NOVA1: variants seen among roughly 807,000 people sequenced by gnomAD.
The protein encoded by NOVA1 is NOVA alternative splicing regulator 1.
NOVA1 carries 7 observed loss-of-function variants against 38.0 expected under a neutral mutation model. The ratio of observed to expected loss-of-function variants is 0.18; its 90% CI spans 0.10 to 0.35. The LOEUF is 0.35. Among genes scored for constraint, NOVA1 ranks in the 10% least tolerant of loss-of-function variants. The pLI is 1.00. For synonymous variants in NOVA1, 270 were observed against 232.5 expected, an observed-to-expected ratio of 1.16 and a Z score of -1.47; for missense variants, 460 against 616.0, an observed-to-expected ratio of 0.75 and a Z score of 2.68.
chr14:26,597,489 CT>C lies in NOVA1; in HGVS notation c.-54del. 1 of 1,086,470 alleles carries C rather than the reference CT, an allele frequency of 9.2e-7. No individual in the cohort carries two copies. The highest frequency in any genetic ancestry group is 4.8e-5 in the South Asian group (1 of 20,816). The allele number at this position is 1,086,470 out of a possible 1,614,324, so 67.3% of individuals were successfully genotyped here. On this transcript the variant is annotated 5_prime_UTR_variant, in exon 1 of 5. Transcript: ENST00000539517. ...GAGAAGGTTCTCCCTTTTGTTTTGGCTTTTTCTTTTCTTTTTTCTTTTTTTT... is the reference window on the plus strand; with the variant it reads ...GAGAAGGTTCTCCCTTTTGTTTTGGCTTTTCTTTTCTTTTTTCTTTTTTTT...
intron 4 of NOVA1, among the ~76,000 whole-genome samples, chr14:26,459,947 T>C (rs1883511776): frequency 6.6e-6 from 1 of 152,042 alleles, no homozygotes; most frequent in African/African-American, 2.4e-5. Context: ...AAAAGTCTGA[T>C]GTGCCATATT....
At chr14:26,539,633 C>T (rs1382162560) in intron 2 of NOVA1, among the ~76,000 whole-genome samples, 1 of 151,864 alleles carries the variant, frequency 6.6e-6, no homozygotes, top group Non-Finnish European at 1.5e-5. Context: ...GGGAAGAAAA[C>T]AGGATTATAT....
chr14:26,597,549 G>GTTT lies in NOVA1; in HGVS notation c.-116_-114dup. On this transcript the variant is annotated 5_prime_UTR_variant, in exon 1 of 5. Transcript: ENST00000539517. The stretch of plus-strand genomic sequence containing the variant: ...TTTTTTGCGTTTGGGGTTTCTTAAG[G>GTTT]TTTTTTTTTTTTAATCGGATCAATA... 1 of 741,048 alleles carries GTTT rather than the reference G, an allele frequency of 1.3e-6. No individual in the cohort carries two copies. Among genetic ancestry groups the GTTT allele is most frequent in the Non-Finnish European group, 1.7e-6 (1 of 605,444 alleles). The allele number at this position is 741,048 out of a possible 1,614,324, so 45.9% of individuals were successfully genotyped here. A position where few individuals can be genotyped will look rare whatever the true frequency, so the allele number is the denominator to read the frequency against.
At chr14:26,573,074 C>T (rs772515777) in intron 2 of NOVA1, among the ~76,000 whole-genome samples, 9 of 151,982 alleles carry the variant, frequency 5.9e-5, no homozygotes, top group Non-Finnish European at 1.3e-4. Context: ...GTAACCCTAA[C>T]ATTTACGTGA....
chr14:26,502,997 G>A (rs1056753827), intron 2 of NOVA1, among the ~76,000 whole-genome samples: 9 of 151,880 alleles, frequency 5.9e-5, no homozygotes, highest in Non-Finnish European at 1.0e-4. Flanking sequence ...TTCTTTCAAT[G>A]TCTGTTTGTT....
chr14:26,593,450 T>C (rs906281648), intron 2 of NOVA1: 5 of 151,926 alleles, frequency 3.3e-5, no homozygotes, highest in Non-Finnish European at 5.9e-5. Context: ...TTTAAGCTTC[T>C]TATAAACTAC....
At chr14:26,565,472 C>A (rs1043275486) in intron 2 of NOVA1, among the ~76,000 whole-genome samples, 1 of 152,132 alleles carries the variant, frequency 6.6e-6, no homozygotes, top group Non-Finnish European at 1.5e-5. Flanking sequence ...GTCCACCACT[C>A]TCTTTCCTTT....
intron 2 of NOVA1, among the ~76,000 whole-genome samples, chr14:26,558,688 T>C (rs1394270302): frequency 1.3e-5 from 2 of 152,138 alleles, no homozygotes; most frequent in East Asian, 3.8e-4. Context: ...GTATAATTTC[T>C]ATATAGGAAA....
At chr14:26,583,826 A>T (rs1893359729) in intron 2 of NOVA1, among the ~76,000 whole-genome samples, 1 of 151,134 alleles carries the variant, frequency 6.6e-6, no homozygotes. Context: ...TCACTGACAT[A>T]GCTTAACAAT....
intron 4 of NOVA1, among the ~76,000 whole-genome samples, chr14:26,449,711 A>C (rs1882467892): frequency 6.6e-6 from 1 of 152,110 alleles, no homozygotes; most frequent in Non-Finnish European, 1.5e-5. Context: ...TAATTAGTCT[A>C]ATTATTCGCT....
intron 2 of NOVA1, among the ~76,000 whole-genome samples, chr14:26,481,522 C>T (rs1885447191): frequency 6.6e-6 from 1 of 151,910 alleles, no homozygotes; most frequent in African/African-American, 2.4e-5. Context: ...AAAAGAAAAA[C>T]TTAGAGATAT....
intron 2 of NOVA1, among the ~76,000 whole-genome samples, chr14:26,562,392 G>T (rs998472600): frequency 6.6e-6 from 1 of 152,142 alleles, no homozygotes; most frequent in Admixed American, 6.5e-5. Flanking sequence ...AAAAAGTCTA[G>T]CATATAGTAA....
intron 2 of NOVA1, among the ~76,000 whole-genome samples, chr14:26,507,642 A>G (rs61986472): frequency 0.041 from 6,280 of 152,192 alleles, 190 homozygotes; most frequent in South Asian, 0.097. Flanking sequence ...TGTGTTCTTT[A>G]GTTTGTTAGA....
chr14:26,460,721 T>A (rs2138607212), intron 4 of NOVA1, among the ~76,000 whole-genome samples: 1 of 152,180 alleles, frequency 6.6e-6, no homozygotes, highest in Middle Eastern at 3.4e-3. Context: ...AAAAACACTT[T>A]TTTTAATTCC....
chr14:26,488,146 C>G (rs2138338894), intron 2 of NOVA1, among the ~76,000 whole-genome samples: 1 of 152,242 alleles, frequency 6.6e-6, no homozygotes, highest in African/African-American at 2.4e-5. Context: ...AATTATCTCT[C>G]TACTTTTAAA....
chr14:26,508,723 A>C (rs1487044978), intron 2 of NOVA1, among the ~76,000 whole-genome samples: 1 of 152,086 alleles, frequency 6.6e-6, no homozygotes, highest in African/African-American at 2.4e-5. Context: ...TTAGTAGAGT[A>C]TTCTGTGCTT....
chr14:26,462,496 C>T (rs935073828), intron 4 of NOVA1, among the ~76,000 whole-genome samples: 14 of 152,124 alleles, frequency 9.2e-5, no homozygotes, highest in Non-Finnish European at 2.1e-4. Flanking sequence ...AATATAGATG[C>T]AAAATCTCAT....
chr14:26,583,817 C>T (rs1306155475), intron 2 of NOVA1, among the ~76,000 whole-genome samples: 1 of 150,894 alleles, frequency 6.6e-6, no homozygotes, highest in Non-Finnish European at 1.5e-5. Context: ...TTTTAATTTT[C>T]ACTGACATAG....
chr14:26,503,712 C>CA (rs896107123), intron 2 of NOVA1, among the ~76,000 whole-genome samples: 15 of 151,890 alleles, frequency 9.9e-5, no homozygotes, highest in African/African-American at 3.6e-4. Context: ...TTTCTAATAG[C>CA]AAAAAATATA....
Sources: gnomAD v4.1 joint callset for allele counts (sites outside exome capture counted in the v4.1 genomes callset) on GRCh38, gnomAD v4.1.1 for gene constraint, MANE v1.5 for transcripts, NCBI Gene and HGNC (gene_info 2026-07-23, HGNC 2026-07-21) for gene names.